RANBP17: variants seen among roughly 807,000 people sequenced by gnomAD.
The protein encoded by RANBP17 is RAN binding protein 17.
In RANBP17, 158 loss-of-function variants were observed where a neutral mutation model predicts 141.2. The observed-to-expected ratio is 1.12, with a 90% confidence interval of 0.98 to 1.28. The LOEUF (loss-of-function observed/expected upper bound fraction) is 1.28, where lower values mean the gene tolerates loss of function less well. Ranked by LOEUF, RANBP17 falls within the 50% of genes most tolerant of loss-of-function variation. The pLI is 0.00. For synonymous variants in RANBP17, 430 were observed against 450.0 expected (o/e 0.96, Z 0.56); for missense variants, 1,438 against 1,290.7 (o/e 1.11, Z -1.75).
intron 22 of RANBP17, among the ~76,000 whole-genome samples, chr5:171,229,757 AGG>A: frequency 2.0e-5 from 3 of 146,512 alleles, no homozygotes; most frequent in African/African-American, 7.6e-5. Flanking sequence ...AAGATGCAAA[AGG>A]AAAAAAAAAA....
At chr5:170,914,359 C>A (rs1408119740) in intron 8 of RANBP17, 119 bp downstream of exon 8, 3 of 672,938 alleles carry the variant, frequency 4.5e-6, no homozygotes, top group Non-Finnish European at 7.7e-6. Context: ...ACAGTAAGTT[C>A]TTATATTTTC....
chr5:171,163,719 T>C (rs1348807538), intron 14 of RANBP17, among the ~76,000 whole-genome samples: 2 of 152,212 alleles, frequency 1.3e-5, no homozygotes, highest in Non-Finnish European at 2.9e-5. Context: ...TTCCAATAGA[T>C]TGAAACAATA....
chr5:171,150,159 C>G lies in RANBP17; in HGVS notation c.1711-19971C>G, dbSNP rs146797325. ...TCTTTGAAAGTAGTTGGGAATTTTT[C>G]ACAGTAAGCTGGGAATCTATACCAC... On this transcript the variant is annotated intron_variant, in intron 14 of 27. Transcript: ENST00000523189. 4.5e-3 allele frequency among the ~76,000 whole-genome samples: 679 copies of G among 152,194 alleles called. 2 individuals are homozygous for G. Among genetic ancestry groups the G allele is most frequent in the African/African-American group, 0.016 (645 of 41,522 alleles).
intron 12 of RANBP17, among the ~76,000 whole-genome samples, chr5:170,931,167 A>G (rs1002829109): frequency 4.6e-5 from 7 of 152,192 alleles, no homozygotes; most frequent in Non-Finnish European, 1.0e-4. Flanking sequence ...GCCAGTGATG[A>G]TGAGCATTTT....
chr5:171,097,884 G>A (rs1375174061), intron 14 of RANBP17, among the ~76,000 whole-genome samples: 1 of 151,900 alleles, frequency 6.6e-6, no homozygotes, highest in African/African-American at 2.4e-5. Flanking sequence ...AGAACATGTG[G>A]TGTTTGGTTT....
At chr5:171,247,293 T>G (rs376474308) in intron 24 of RANBP17, among the ~76,000 whole-genome samples, 2 of 152,206 alleles carry the variant, frequency 1.3e-5, no homozygotes, top group Non-Finnish European at 2.9e-5. Flanking sequence ...CTTGTATTGT[T>G]GCAGATTCAC....
chr5:171,152,142 C>G (rs1301349890), intron 14 of RANBP17, among the ~76,000 whole-genome samples: 1 of 151,922 alleles, frequency 6.6e-6, no homozygotes, highest in African/African-American at 2.4e-5. Flanking sequence ...GGCACAGTAG[C>G]TCACTCACGC....
intron 12 of RANBP17, among the ~76,000 whole-genome samples, chr5:170,925,747 T>G (rs1455168072): frequency 6.6e-6 from 1 of 151,870 alleles, no homozygotes; most frequent in Non-Finnish European, 1.5e-5. Flanking sequence ...ATTCCGAAAA[T>G]AATACATGAT....
intron 14 of RANBP17, among the ~76,000 whole-genome samples, chr5:171,057,210 T>C (rs1471171240): frequency 6.6e-6 from 1 of 152,178 alleles, no homozygotes; most frequent in Non-Finnish European, 1.5e-5. Context: ...ACTTTAACTT[T>C]AGCCAATATG....
At chr5:170,949,124 C>T (rs937288415) in intron 12 of RANBP17, among the ~76,000 whole-genome samples, 14 of 152,046 alleles carry the variant, frequency 9.2e-5, no homozygotes, top group East Asian at 7.8e-4. Flanking sequence ...CCTGGGTGAC[C>T]GAGTAAATCT....
At chr5:171,155,095 ATAT>A (rs1447867408) in intron 14 of RANBP17, among the ~76,000 whole-genome samples, 140 of 32,654 alleles carry the variant, frequency 4.3e-3, no homozygotes, top group African/African-American at 9.6e-3. Flanking sequence ...AAAAAAAAAA[ATAT>A]ATATATATAT....
chr5:171,062,591 A>C (rs1186028510), intron 14 of RANBP17, among the ~76,000 whole-genome samples: 7 of 151,792 alleles, frequency 4.6e-5, no homozygotes, highest in East Asian at 1.9e-4. Flanking sequence ...CTGCCCTTAA[A>C]ATTTTTTCCT....
chr5:171,268,148 C>T (rs2914099), intron 25 of RANBP17, among the ~76,000 whole-genome samples: 24,716 of 152,096 alleles, frequency 0.16, 1,997 homozygotes, highest in East Asian at 0.21. Context: ...TTAAGATTCA[C>T]GAGATATAAT....
chr5:170,993,321 G>A (rs538189385), intron 14 of RANBP17, among the ~76,000 whole-genome samples: 2 of 151,974 alleles, frequency 1.3e-5, no homozygotes, highest in Non-Finnish European at 2.9e-5. Flanking sequence ...TCAGACCAAT[G>A]CCTTAGTTCT....
Position 171,200,167 on chromosome 5 carries a change from AT to A in RANBP17, c.2142+401del, listed in dbSNP as rs903159861. ...ATACTAAAACACTACATCTCTAAAT[AT>A]TTTTTTAAACAAGAATTTATATAAA... On this transcript the variant is annotated intron_variant, in intron 19 of 27. Transcript: ENST00000523189. Among the ~76,000 whole-genome samples the A allele has an allele frequency of 7.2e-5, 11 of 152,298 alleles. No individual in the cohort carries two copies. The South Asian group carries it at 8.3e-4, about 11-fold the overall frequency.
chr5:171,199,174 C>T (rs571211389), intron 18 of RANBP17, among the ~76,000 whole-genome samples: 2 of 152,090 alleles, frequency 1.3e-5, no homozygotes, highest in South Asian at 2.1e-4. Context: ...TCCTTTTTGG[C>T]AGATAAAAGT....
In RANBP17 at chr5:171,102,726, C is replaced by T. The variant is rs574092506; in HGVS notation, c.1711-67404C>T. 3.9e-3 allele frequency among the ~76,000 whole-genome samples: 593 copies of T among 151,774 alleles called. 3 individuals are homozygous for T. The highest frequency in any genetic ancestry group is 0.014 in the African/African-American group (570 of 41,382). On this transcript the variant is annotated intron_variant, in intron 14 of 27. Coordinates refer to ENST00000523189, the MANE Select transcript of RANBP17 (RefSeq NM_022897.5). ...TTTGTGCTGTTTTTTTCCTCATCTT[C>T]GTGGATTTGTCTACCTTTGGTCTTC...
intron 24 of RANBP17, among the ~76,000 whole-genome samples, chr5:171,246,681 T>G (rs1199271077): frequency 6.6e-6 from 1 of 152,244 alleles, no homozygotes; most frequent in Non-Finnish European, 1.5e-5. Flanking sequence ...TTTCAACATG[T>G]GATCTTGTTA....
At chr5:171,061,672 A>G (rs1036131654) in intron 14 of RANBP17, among the ~76,000 whole-genome samples, 13 of 152,274 alleles carry the variant, frequency 8.5e-5, no homozygotes, top group African/African-American at 1.7e-4. Flanking sequence ...GTAGGTGTCT[A>G]TTAGGTCCGC....
Sources: gnomAD v4.1 joint callset for allele counts (sites outside exome capture counted in the v4.1 genomes callset) on GRCh38, gnomAD v4.1.1 for gene constraint, MANE v1.5 for transcripts, NCBI Gene and HGNC (gene_info 2026-07-23, HGNC 2026-07-21) for gene names.